Variants in HDAC9 observed in about 807,000 individuals in gnomAD.
HDAC9 encodes the protein MEF-2 interacting transcription repressor (MITR) protein.
Under a neutral mutation model 139.4 loss-of-function variants are expected in HDAC9, and 41 were observed. The observed-to-expected ratio is 0.29, with a 90% confidence interval of 0.23 to 0.38. The LOEUF (loss-of-function observed/expected upper bound fraction) is 0.38, where lower values mean the gene tolerates loss of function less well. Ranked by LOEUF, HDAC9 falls within the 10% of genes least tolerant of loss-of-function variation. The pLI is 1.00. For missense variants in HDAC9, 1,147 were observed against 1,297.0 expected, an observed-to-expected ratio of 0.88 and a Z score of 1.78; for synonymous variants, 517 against 476.2, an observed-to-expected ratio of 1.09 and a Z score of -1.12.
At chr7:18,771,208 A>T (rs1379293264) in intron 16 of HDAC9, among the ~76,000 whole-genome samples, 1 of 152,062 alleles carries the variant, frequency 6.6e-6, no homozygotes, top group African/African-American at 2.4e-5. Flanking sequence ...TCCAGCAGTG[A>T]CTCAGTCAAT....
intron 12 of HDAC9, among the ~76,000 whole-genome samples, chr7:18,720,525 G>A (rs1247279373): frequency 2.0e-5 from 3 of 150,962 alleles, no homozygotes; most frequent in Admixed American, 1.3e-4. Context: ...ACATATTACT[G>A]TGTTCATTTA....
intron 8 of HDAC9, among the ~76,000 whole-genome samples, chr7:18,635,293 G>A (rs532713113): frequency 6.6e-6 from 1 of 152,046 alleles, no homozygotes; most frequent in African/African-American, 2.4e-5. Context: ...AATAATTGCA[G>A]TATTATAGTT....
At chr7:18,496,150 T>G in intron 1 of HDAC9, 112 bp from the exon 2 acceptor site, 1 of 1,404,552 alleles carries the variant, frequency 7.1e-7, no homozygotes, top group Admixed American at 2.0e-5. Context: ...CCAGCGAGGG[T>G]AGCTCCTGGG....
At chr7:18,583,981 T>C (rs1420403613) in intron 2 of HDAC9, among the ~76,000 whole-genome samples, 1 of 152,064 alleles carries the variant, frequency 6.6e-6, no homozygotes, top group Admixed American at 6.6e-5. Context: ...TCCCGATTCT[T>C]GTGGGTAAGG....
chr7:18,612,728 T>C (rs1412135988), intron 6 of HDAC9, among the ~76,000 whole-genome samples: 1 of 152,066 alleles, frequency 6.6e-6, no homozygotes, highest in Admixed American at 6.6e-5. Context: ...GAGTAAATCC[T>C]AGAGATGAGT....
intron 13 of HDAC9, among the ~76,000 whole-genome samples, chr7:18,736,995 C>T (rs1365212013): frequency 6.6e-6 from 1 of 152,170 alleles, no homozygotes; most frequent in Non-Finnish European, 1.5e-5. Flanking sequence ...TTATCCATTT[C>T]TTCTAGATTT....
chr7:18,835,910 G>A lies in HDAC9; in HGVS notation c.2597G>A (p.Gly866Asp), dbSNP rs1433365855. 36 of 1,556,010 alleles carry A rather than the reference G, an allele frequency of 2.3e-5. No individual in the cohort carries two copies. Among genetic ancestry groups the A allele is most frequent in the Non-Finnish European group, 2.9e-5 (33 of 1,148,412 alleles). ...GSGAPNEVGT[G>D]LGEGYNINIA... ...TCTTTCTCTTCCCAGGTTGGAACAG[G>A]CCTTGGAGAAGGGTACAATATAAAT... The change falls in exon 21 of 26, where the codon GGC becomes GAC. Residue 866 changes from glycine to aspartate, a missense_variant. Physicochemically the swap from Gly to Asp is moderately conservative, Grantham distance 94. Coordinates refer to ENST00000686413, the MANE Select transcript of HDAC9 (RefSeq NM_178425.4).
intron 2 of HDAC9, among the ~76,000 whole-genome samples, chr7:18,532,624 T>C (rs1809408132): frequency 6.6e-6 from 1 of 152,196 alleles, no homozygotes; most frequent in Non-Finnish European, 1.5e-5. Flanking sequence ...GGGTTCTCTA[T>C]GAGTGAACAA....
At chr7:18,753,018 C>T (rs550428124) in intron 14 of HDAC9, among the ~76,000 whole-genome samples, 16 of 152,070 alleles carry the variant, frequency 1.1e-4, no homozygotes, top group Non-Finnish European at 1.5e-4. Context: ...GGACACCACA[C>T]GTTGAAAACA....
intron 25 of HDAC9, among the ~76,000 whole-genome samples, chr7:18,991,237 AAAAG>A (rs1299172715): frequency 6.6e-6 from 1 of 152,212 alleles, no homozygotes; most frequent in East Asian, 1.9e-4. Flanking sequence ...GGGGAGATGA[AAAAG>A]AAAAATGAAT....
chr7:18,985,297 C>A (rs993774822), intron 25 of HDAC9, among the ~76,000 whole-genome samples: 1 of 151,974 alleles, frequency 6.6e-6, no homozygotes, highest in Non-Finnish European at 1.5e-5. Flanking sequence ...TCAATTCCCA[C>A]CTATGAGTGA....
At chr7:18,137,861 A>C (rs1408010890) in intron 1 of HDAC9, among the ~76,000 whole-genome samples, 2 of 152,060 alleles carry the variant, frequency 1.3e-5, no homozygotes, top group African/African-American at 4.8e-5. Context: ...TATTGATCGG[A>C]ATAGTTTCAG....
chr7:18,976,916 A>C (rs919120143), intron 25 of HDAC9, among the ~76,000 whole-genome samples: 1 of 152,320 alleles, frequency 6.6e-6, no homozygotes, highest in African/African-American at 2.4e-5. Flanking sequence ...TCCTGCTACT[A>C]GTGCACAGGT....
At chr7:18,995,613 C>G (rs1786401875) in intron 25 of HDAC9, among the ~76,000 whole-genome samples, 1 of 152,298 alleles carries the variant, frequency 6.6e-6, no homozygotes, top group African/African-American at 2.4e-5. Context: ...AACCAGAGCC[C>G]TAGTGAGTCT....
At position 18,116,540 on chromosome 7, in the gene HDAC9, A is replaced by G. The variant is rs756950145; in HGVS notation, c.-97+29327A>G. Among the ~76,000 whole-genome samples the G allele has an allele frequency of 4.8e-4, 73 of 152,306 alleles. 1 individual carries two copies. The highest frequency in any genetic ancestry group is 2.8e-4 in the Non-Finnish European group (19 of 68,018). ...TGAAATTATAGTTCATTCTAGATCAATAGTGCTTTGGTTTTGGTTAACATA... is the reference window on the plus strand; with the variant it reads ...TGAAATTATAGTTCATTCTAGATCAGTAGTGCTTTGGTTTTGGTTAACATA... On this transcript the variant is annotated intron_variant, in intron 1 of 12. Coordinates refer to the HDAC9 transcript ENST00000417496.
intron 2 of HDAC9, among the ~76,000 whole-genome samples, chr7:18,504,888 C>CA (rs1563078230): frequency 1.3e-5 from 2 of 151,962 alleles, no homozygotes; most frequent in East Asian, 1.9e-4. Flanking sequence ...CCCTTTTTCT[C>CA]AAAAAATATT....
At chr7:18,819,297 A>T (rs182973131) in intron 17 of HDAC9, among the ~76,000 whole-genome samples, 2 of 152,254 alleles carry the variant, frequency 1.3e-5, no homozygotes, top group East Asian at 1.9e-4. Context: ...TAATAATAAT[A>T]AATAAATTTT....
chr7:18,274,054 C>T (rs1796557300), intron 2 of HDAC9, among the ~76,000 whole-genome samples: 1 of 151,794 alleles, frequency 6.6e-6, no homozygotes, highest in African/African-American at 2.4e-5. Context: ...TTATAAGGAC[C>T]CAGAAATTCT....
chr7:18,148,395 A>C (rs559372133), intron 1 of HDAC9, among the ~76,000 whole-genome samples: 3 of 152,130 alleles, frequency 2.0e-5, no homozygotes, highest in Non-Finnish European at 4.4e-5. Flanking sequence ...TGCATCGACT[A>C]TTATTCCATA....
Sources: gnomAD v4.1 joint callset for allele counts (sites outside exome capture counted in the v4.1 genomes callset) on GRCh38, gnomAD v4.1.1 for gene constraint, MANE v1.5 for transcripts, NCBI Gene and HGNC (gene_info 2026-07-23, HGNC 2026-07-21) for gene names.